Variants in FRMD5 observed in about 807,000 individuals in gnomAD.
The protein encoded by FRMD5 is FERM domain containing 5.
Under a neutral mutation model 69.0 loss-of-function variants are expected in FRMD5, and 20 were observed. The observed-to-expected ratio is 0.29, with a 90% CI of 0.20 to 0.42. FRMD5 has a LOEUF of 0.42. FRMD5 is among the 10% of genes least tolerant of loss of function. The probability of loss-of-function intolerance (pLI) is 1.00; values close to 1 mark genes in which losing one functional copy is unlikely to be tolerated. For synonymous variants in FRMD5, 271 were observed against 260.1 expected, an observed-to-expected ratio of 1.04 and a Z score of -0.40; for missense variants, 595 against 708.6, an observed-to-expected ratio of 0.84 and a Z score of 1.82.
At chr15:44,093,376 G>A (rs1240572071) in intron 1 of FRMD5, among the ~76,000 whole-genome samples, 2 of 151,986 alleles carry the variant, frequency 1.3e-5, no homozygotes, top group African/African-American at 4.8e-5. Flanking sequence ...CTTATCAGGG[G>A]TAGGGAAAGG....
chr15:44,122,832 A>T (rs1390357601), intron 1 of FRMD5, among the ~76,000 whole-genome samples: 1 of 151,806 alleles, frequency 6.6e-6, no homozygotes, highest in African/African-American at 2.4e-5. Context: ...CAGAGCTTGC[A>T]GTGAGCTGAG....
chr15:44,012,769 T>G (rs1213710804), intron 1 of FRMD5, among the ~76,000 whole-genome samples: 1 of 143,536 alleles, frequency 7.0e-6, no homozygotes, highest in Non-Finnish European at 1.5e-5. Flanking sequence ...GGGTTTTTTT[T>G]TTTTTTTTTT....
chr15:44,074,589 C>T (rs561251293), intron 1 of FRMD5, among the ~76,000 whole-genome samples: 37 of 151,862 alleles, frequency 2.4e-4, no homozygotes, highest in African/African-American at 7.7e-4. Flanking sequence ...CTGCAACCTC[C>T]GCACCTCACC....
chr15:44,006,376 T>C (rs1890449345), intron 1 of FRMD5, among the ~76,000 whole-genome samples: 1 of 152,208 alleles, frequency 6.6e-6, no homozygotes, highest in Non-Finnish European at 1.5e-5. Flanking sequence ...ACCAAAGAGA[T>C]CTGATGGAGA....
intron 1 of FRMD5, among the ~76,000 whole-genome samples, chr15:44,121,663 A>T (rs1595488639): frequency 6.6e-6 from 1 of 151,846 alleles, no homozygotes; most frequent in East Asian, 1.9e-4. Flanking sequence ...AAAAAAAAAC[A>T]AAAACAAAAA....
intron 1 of FRMD5, among the ~76,000 whole-genome samples, chr15:44,119,729 CTTTTT>C (rs3040926): frequency 2.1e-4 from 31 of 145,974 alleles, no homozygotes; most frequent in Admixed American, 2.7e-4. Flanking sequence ...CTGTCTACTT[CTTTTT>C]TTTTTTTTTT....
At chr15:44,021,883 G>A (rs1388852961) in intron 1 of FRMD5, among the ~76,000 whole-genome samples, 1 of 151,728 alleles carries the variant, frequency 6.6e-6, no homozygotes, top group Non-Finnish European at 1.5e-5. Context: ...GCCAAAAGGT[G>A]GAAACAACCC....
intron 1 of FRMD5, among the ~76,000 whole-genome samples, chr15:44,047,221 A>G (rs966973091): frequency 1.3e-4 from 20 of 151,948 alleles, no homozygotes; most frequent in Admixed American, 1.2e-3. Context: ...AGGGAGAAGA[A>G]TTGCTTAAAC....
At chr15:44,056,601 G>C (rs1218440136) in intron 1 of FRMD5, among the ~76,000 whole-genome samples, 1 of 152,154 alleles carries the variant, frequency 6.6e-6, no homozygotes, top group Non-Finnish European at 1.5e-5. Flanking sequence ...AGTCTAAAGA[G>C]TGTCAGCCAT....
Position 44,040,513 on chromosome 15 carries a change from A to G in FRMD5, c.103-116204T>C, listed in dbSNP as rs553040742. 2.8e-4 allele frequency among the ~76,000 whole-genome samples: 42 copies of G among 152,340 alleles called. No homozygotes were observed. The South Asian group carries it at 5.0e-3, about 18-fold the overall frequency. Reference sequence around the variant, plus strand: ...AGAAGACAGTGGGGGCCAATATTCAATGTTCTTAAAGAAAAAAATTTTCAA... The same window carrying G: ...AGAAGACAGTGGGGGCCAATATTCAGTGTTCTTAAAGAAAAAAATTTTCAA... On this transcript the variant is annotated intron_variant, in intron 1 of 13. Coordinates refer to ENST00000417257, the MANE Select transcript of FRMD5 (RefSeq NM_032892.5).
intron 1 of FRMD5, among the ~76,000 whole-genome samples, chr15:44,006,426 C>G (rs1890451620): frequency 6.6e-6 from 1 of 152,192 alleles, no homozygotes; most frequent in African/African-American, 2.4e-5. Context: ...TTGCTAACAT[C>G]CAGTTGGTAG....
At chr15:44,136,234 C>T (rs990251050) in intron 1 of FRMD5, among the ~76,000 whole-genome samples, 49 of 151,198 alleles carry the variant, frequency 3.2e-4, no homozygotes, top group Non-Finnish European at 4.9e-4. Context: ...ATGTTGTCCA[C>T]GGTGGTCACA....
chr15:44,027,175 C>T (rs1026734835), intron 1 of FRMD5, among the ~76,000 whole-genome samples: 9 of 152,148 alleles, frequency 5.9e-5, no homozygotes, highest in South Asian at 2.1e-4. Flanking sequence ...CTCTATATTA[C>T]GTCCCTATAA....
intron 1 of FRMD5, among the ~76,000 whole-genome samples, chr15:44,069,556 A>T (rs1893446462): frequency 6.6e-6 from 1 of 152,226 alleles, no homozygotes; most frequent in South Asian, 2.1e-4. Flanking sequence ...AGTGAAAAAA[A>T]TCCCAAAAGG....
In FRMD5 at chr15:44,062,351, T is replaced by C. The variant is rs375055280; in HGVS notation, c.102+132602A>G. Among the ~76,000 whole-genome samples the C allele has an allele frequency of 5.3e-5, 8 of 152,230 alleles. No individual in the cohort carries two copies. The East Asian group carries it at 1.3e-3, about 26-fold the overall frequency. Reference sequence around the variant, plus strand: ...GAGATGTTACTTCCAATATTAAAACTAGAAGACACGGTCTTTCTGAAGAAG... The same window carrying C: ...GAGATGTTACTTCCAATATTAAAACCAGAAGACACGGTCTTTCTGAAGAAG... On this transcript the variant is annotated intron_variant, in intron 1 of 13. Transcript: ENST00000417257.
chr15:44,063,504 G>T, intron 1 of FRMD5: 1 of 401,478 alleles, frequency 2.5e-6, no homozygotes, highest in Non-Finnish European at 4.9e-6. Flanking sequence ...TGCACCCCTG[G>T]GACACCATGG....
At chr15:43,973,714 A>C (rs370296861) in intron 1 of FRMD5, among the ~76,000 whole-genome samples, 4 of 152,052 alleles carry the variant, frequency 2.6e-5, no homozygotes, top group East Asian at 3.8e-4. Flanking sequence ...TGATACTCCA[A>C]ATATACTGCA....
At chr15:44,119,949 A>G (rs1410551759) in intron 1 of FRMD5, among the ~76,000 whole-genome samples, 4 of 152,200 alleles carry the variant, frequency 2.6e-5, no homozygotes, top group Non-Finnish European at 1.5e-5. Context: ...GTAACCAACT[A>G]AACAAGACAG....
chr15:44,129,896 T>G (rs2077074791), intron 1 of FRMD5, among the ~76,000 whole-genome samples: 2 of 152,150 alleles, frequency 1.3e-5, no homozygotes, highest in South Asian at 4.1e-4. Flanking sequence ...AAGGAACAAA[T>G]GAGCCCCAGG....
Sources: allele counts gnomAD v4.1 joint callset (sites outside exome capture counted in the v4.1 genomes callset), GRCh38; gene constraint gnomAD v4.1.1; transcripts MANE v1.5; gene names NCBI Gene and HGNC (gene_info 2026-07-23, HGNC 2026-07-21).